WBP1L: variants seen among roughly 807,000 people sequenced by gnomAD.
WBP1L encodes the protein WW domain binding protein 1 like.
WBP1L carries 17 observed loss-of-function variants against 33.7 expected under a neutral mutation model. That is an observed-to-expected ratio of 0.50 (90% CI 0.34 to 0.76). The LOEUF is 0.76. WBP1L is among the 30% of genes least tolerant of loss of function. The probability of loss-of-function intolerance (pLI) is 0.01; values close to 1 mark genes in which losing one functional copy is unlikely to be tolerated. For synonymous variants in WBP1L, 173 were observed against 190.8 expected (o/e 0.91, Z 0.77); for missense variants, 389 against 469.4 (o/e 0.83, Z 1.58).
At chr10:102,744,196 C>T in intron 1 of WBP1L, 53 bp downstream of exon 1, 1 of 1,504,700 alleles carries the variant, frequency 6.6e-7, no homozygotes, top group Non-Finnish European at 8.9e-7. Flanking sequence ...TCGTCGAGGC[C>T]TGGCTGGAGG....
At chr10:102,764,888 A>G (rs1843088759) in intron 1 of WBP1L, among the ~76,000 whole-genome samples, 1 of 152,220 alleles carries the variant, frequency 6.6e-6, no homozygotes, top group African/African-American at 2.4e-5. Context: ...GACAACTTCC[A>G]GGTGTTGCTA....
At chr10:102,807,480 G>A (rs1166624433) in intron 2 of WBP1L, among the ~76,000 whole-genome samples, 3 of 152,052 alleles carry the variant, frequency 2.0e-5, no homozygotes, top group African/African-American at 7.2e-5. Flanking sequence ...GGGTTCAAGC[G>A]ATTCTCAGCC....
At chr10:102,809,813 G>C (rs1843802183) in intron 2 of WBP1L, 80 bp from the exon 3 acceptor site, 1 of 1,507,704 alleles carries the variant, frequency 6.6e-7, no homozygotes, top group African/African-American at 1.4e-5. Context: ...GCACCGTCCA[G>C]GGACCTCCCT....
chr10:102,776,037 C>T (rs569962522), intron 1 of WBP1L: 83 of 950,584 alleles, frequency 8.7e-5, no homozygotes, highest in Non-Finnish European at 1.0e-4. Flanking sequence ...CTGGGCATCG[C>T]GGGTCTGCAG....
chr10:102,764,840 C>G (rs1404835318), intron 1 of WBP1L, among the ~76,000 whole-genome samples: 1 of 152,178 alleles, frequency 6.6e-6, no homozygotes, highest in Non-Finnish European at 1.5e-5. Flanking sequence ...TGCTTCCAGC[C>G]AGACCTTATT....
At chr10:102,782,962 C>G (rs1210507443) in intron 1 of WBP1L, among the ~76,000 whole-genome samples, 1 of 152,164 alleles carries the variant, frequency 6.6e-6, no homozygotes. Context: ...TTAAGGATCT[C>G]CCAACTGTGA....
intron 1 of WBP1L, among the ~76,000 whole-genome samples, chr10:102,786,627 A>G (rs916672211): frequency 6.6e-6 from 1 of 152,196 alleles, no homozygotes; most frequent in African/African-American, 2.4e-5. Context: ...TCACTTATTT[A>G]TAAGATGCCC....
chr10:102,796,338 A>G (rs1843573506), intron 1 of WBP1L, among the ~76,000 whole-genome samples: 1 of 152,162 alleles, frequency 6.6e-6, no homozygotes, highest in Non-Finnish European at 1.5e-5. Context: ...AGAAACACCT[A>G]AAGATTTATG....
chr10:102,790,885 A>G (rs144703394), intron 1 of WBP1L, among the ~76,000 whole-genome samples: 23 of 152,218 alleles, frequency 1.5e-4, no homozygotes, highest in Non-Finnish European at 3.1e-4. Flanking sequence ...TTTCTGCCAG[A>G]TGTTGCAGGT....
chr10:102,763,848 CTG>C (rs565166819), intron 1 of WBP1L, among the ~76,000 whole-genome samples: 20 of 152,278 alleles, frequency 1.3e-4, no homozygotes, highest in Admixed American at 9.8e-4. Flanking sequence ...GAGTCTCGCT[CTG>C]TCATCCAGGC....
chr10:102,774,545 C>T (rs182965708), intron 1 of WBP1L, among the ~76,000 whole-genome samples: 2 of 152,292 alleles, frequency 1.3e-5, no homozygotes, highest in Admixed American at 1.3e-4. Context: ...TGGGGACCTG[C>T]GGTAAACACG....
intron 1 of WBP1L, among the ~76,000 whole-genome samples, chr10:102,765,479 C>A (rs1843094782): frequency 6.6e-6 from 1 of 152,182 alleles, no homozygotes; most frequent in African/African-American, 2.4e-5. Context: ...AGTGATCCAC[C>A]CTCCTTGGCC....
At chr10:102,746,839 T>C (rs1842869073) in intron 1 of WBP1L, among the ~76,000 whole-genome samples, 1 of 152,184 alleles carries the variant, frequency 6.6e-6, no homozygotes, top group Non-Finnish European at 1.5e-5. Flanking sequence ...TACAATCTTT[T>C]TTTTACATGC....
At chr10:102,807,070 T>G (rs1011958092) in intron 2 of WBP1L, among the ~76,000 whole-genome samples, 5 of 152,168 alleles carry the variant, frequency 3.3e-5, no homozygotes, top group Non-Finnish European at 7.3e-5. Context: ...ACTTTTAAAA[T>G]TTTAAACACA....
chr10:102,810,174 C>T, intron 3 of WBP1L, 120 bp downstream of exon 3: 1 of 1,324,874 alleles, frequency 7.5e-7, no homozygotes, highest in East Asian at 2.3e-5. Context: ...TCTCCCTGCC[C>T]CTCCGTAGAG....
intron 2 of WBP1L, among the ~76,000 whole-genome samples, chr10:102,799,445 A>C (rs939115730): frequency 1.3e-5 from 2 of 152,146 alleles, no homozygotes; most frequent in Non-Finnish European, 2.9e-5. Context: ...TAGGGTCTTC[A>C]GGGAGTGACC....
chr10:102,807,438 C>T (rs975904777), intron 2 of WBP1L, among the ~76,000 whole-genome samples: 1 of 151,970 alleles, frequency 6.6e-6, no homozygotes, highest in Non-Finnish European at 1.5e-5. Flanking sequence ...AGTGCAGTGG[C>T]GTGATCTCAG....
At chr10:102,770,623 A>G (rs903973924) in intron 1 of WBP1L, among the ~76,000 whole-genome samples, 4 of 151,702 alleles carry the variant, frequency 2.6e-5, no homozygotes, top group Non-Finnish European at 4.4e-5. Context: ...TCTGTTGTGC[A>G]TTAGGAACAG....
At chr10:102,776,295 C>A (rs1034862270) in intron 1 of WBP1L, 10 of 1,611,740 alleles carry the variant, frequency 6.2e-6, no homozygotes, top group Middle Eastern at 3.3e-4. Flanking sequence ...CCAGGACCAC[C>A]GCACACACAG....
Sources: gnomAD v4.1 joint callset for allele counts (sites outside exome capture counted in the v4.1 genomes callset) on GRCh38, gnomAD v4.1.1 for gene constraint, MANE v1.5 for transcripts, NCBI Gene and HGNC (gene_info 2026-07-23, HGNC 2026-07-21) for gene names.